The following CDK17 variants were observed in gnomAD, a reference collection of about 807,000 sequenced individuals.
CDK17 encodes cyclin-dependent kinase 17.
Under a neutral mutation model 77.6 loss-of-function variants are expected in CDK17, and 24 were observed. The observed-to-expected ratio is 0.31, with a 90% CI of 0.22 to 0.44. The LOEUF (loss-of-function observed/expected upper bound fraction) is 0.44, where lower values mean the gene tolerates loss of function less well. CDK17 is among the 20% of genes least tolerant of loss of function. The probability of loss-of-function intolerance (pLI) is 1.00; values close to 1 mark genes in which losing one functional copy is unlikely to be tolerated. For synonymous variants in CDK17, 203 were observed against 210.4 expected (o/e 0.96, Z 0.30); for missense variants, 429 against 622.5 (o/e 0.69, Z 3.31).
chr12:96,356,125 G>A (rs1953389621), intron 1 of CDK17, among the ~76,000 whole-genome samples: 1 of 152,134 alleles, frequency 6.6e-6, no homozygotes, highest in Admixed American at 6.5e-5. Flanking sequence ...ACTTAGTCTT[G>A]GGAGGTGTTA....
intron 1 of CDK17, among the ~76,000 whole-genome samples, chr12:96,392,686 C>T (rs772395425): frequency 6.6e-6 from 1 of 152,018 alleles, no homozygotes; most frequent in African/African-American, 2.4e-5. Flanking sequence ...ATAGGGGATT[C>T]GAGTTCAGTT....
intron 1 of CDK17, among the ~76,000 whole-genome samples, chr12:96,340,950 G>A (rs1051542112): frequency 9.2e-5 from 14 of 152,080 alleles, no homozygotes; most frequent in African/African-American, 2.7e-4. Context: ...AAAGTAGTAC[G>A]TATAGTACCC....
chr12:96,290,323 T>C (rs1592706871), intron 10 of CDK17, among the ~76,000 whole-genome samples: 1 of 152,214 alleles, frequency 6.6e-6, no homozygotes, highest in African/African-American at 2.4e-5. Context: ...TTAAAAAATA[T>C]CTGGAAAATT....
intron 5 of CDK17, among the ~76,000 whole-genome samples, chr12:96,307,371 G>A (rs957749941): frequency 1.3e-5 from 2 of 151,944 alleles, no homozygotes; most frequent in African/African-American, 2.4e-5. Context: ...TTCATTAGAG[G>A]GCACTGTTTT....
At chr12:96,336,247 G>C (rs936256431) in intron 1 of CDK17, among the ~76,000 whole-genome samples, 7 of 152,020 alleles carry the variant, frequency 4.6e-5, no homozygotes, top group African/African-American at 1.7e-4. Flanking sequence ...GGATCTCTTG[G>C]GGTCAGGAGG....
intron 11 of CDK17, 86 bp from the exon 12 acceptor site, chr12:96,286,847 C>A (rs2137067776): frequency 1.9e-6 from 2 of 1,067,398 alleles, no homozygotes; most frequent in South Asian, 1.4e-5. Context: ...TGCCTCTCTG[C>A]AGAATTTTGC....
intron 1 of CDK17, among the ~76,000 whole-genome samples, chr12:96,340,835 C>T (rs942568682): frequency 6.6e-6 from 1 of 152,036 alleles, no homozygotes; most frequent in African/African-American, 2.4e-5. Flanking sequence ...GATCTTTACA[C>T]TATCATTTCT....
intron 1 of CDK17, among the ~76,000 whole-genome samples, chr12:96,347,354 A>T (rs1453638643): frequency 1.3e-5 from 2 of 151,798 alleles, no homozygotes; most frequent in Non-Finnish European, 2.9e-5. Context: ...ACCTGAGGTC[A>T]GGAGTTTCAA....
intron 3 of CDK17, among the ~76,000 whole-genome samples, chr12:96,316,374 G>C (rs1205355734): frequency 6.6e-6 from 1 of 150,492 alleles, no homozygotes; most frequent in Non-Finnish European, 1.5e-5. Flanking sequence ...CAGCGAGGCT[G>C]GGGGAGGGGC....
At chr12:96,360,976 C>G (rs1319420464) in intron 1 of CDK17, among the ~76,000 whole-genome samples, 1 of 152,140 alleles carries the variant, frequency 6.6e-6, no homozygotes, top group Non-Finnish European at 1.5e-5. Context: ...GTATCACAGA[C>G]ATAGTAAATG....
At chr12:96,332,899 A>C (rs1952991711) in intron 2 of CDK17, among the ~76,000 whole-genome samples, 1 of 152,236 alleles carries the variant, frequency 6.6e-6, no homozygotes, top group Non-Finnish European at 1.5e-5. Context: ...GTTAATACCA[A>C]AATATTCTAG....
At chr12:96,331,807 C>A (rs376726646) in intron 2 of CDK17, among the ~76,000 whole-genome samples, 4 of 152,036 alleles carry the variant, frequency 2.6e-5, no homozygotes, top group African/African-American at 9.7e-5. Flanking sequence ...TGCATGAGAG[C>A]CATGTGCCTA....
At chr12:96,323,095 TAAG>T (rs1952843599) in intron 3 of CDK17, among the ~76,000 whole-genome samples, 1 of 152,212 alleles carries the variant, frequency 6.6e-6, no homozygotes, top group South Asian at 2.1e-4. Context: ...TATAATTATC[TAAG>T]AAGACTATAA....
At chr12:96,299,636 G>T (rs1053890824) in intron 6 of CDK17, among the ~76,000 whole-genome samples, 1 of 152,090 alleles carries the variant, frequency 6.6e-6, no homozygotes, top group Non-Finnish European at 1.5e-5. Flanking sequence ...TGATTCACCC[G>T]CCTTGGCCTC....
intron 3 of CDK17, among the ~76,000 whole-genome samples, chr12:96,319,161 C>T (rs1284586272): frequency 1.3e-5 from 2 of 151,244 alleles, no homozygotes; most frequent in Non-Finnish European, 3.0e-5. Context: ...TCAGAGAATA[C>T]TACAAACACC....
intron 1 of CDK17, among the ~76,000 whole-genome samples, chr12:96,393,940 T>C (rs551315367): frequency 1.2e-4 from 18 of 152,184 alleles, no homozygotes; most frequent in Admixed American, 6.5e-4. Context: ...TTCAATGCTG[T>C]TACTTGATAG....
At chr12:96,285,751 T>C (rs1466043142) in intron 13 of CDK17, 1 of 180,696 alleles carries the variant, frequency 5.5e-6, no homozygotes, top group Non-Finnish European at 1.1e-5. Context: ...AACCCTTTCT[T>C]AGGTTTTTGT....
chr12:96,363,372 ACC>A (rs2137193053), intron 1 of CDK17, among the ~76,000 whole-genome samples: 1 of 148,726 alleles, frequency 6.7e-6, no homozygotes, highest in South Asian at 2.1e-4. Flanking sequence ...AATTGCTTGA[ACC>A]CAGGAGGCAG....
chr12:96,281,183 G>A (rs565182373), intron 15 of CDK17, among the ~76,000 whole-genome samples: 155 of 152,306 alleles, frequency 1.0e-3, no homozygotes, highest in Non-Finnish European at 1.6e-3. Flanking sequence ...GGGGTTGGGA[G>A]ACCCAGTCAA....
Sources: allele counts gnomAD v4.1 joint callset (sites outside exome capture counted in the v4.1 genomes callset), GRCh38; gene constraint gnomAD v4.1.1; transcripts MANE v1.5; gene names NCBI Gene and HGNC (gene_info 2026-07-23, HGNC 2026-07-21).